PCED1B: variants seen among roughly 807,000 people sequenced by gnomAD.
The protein encoded by PCED1B is PC-esterase domain containing 1B, also known as PC-esterase domain-containing protein 1B.
For missense variants in PCED1B, 573 were observed against 573.9 expected (o/e 1.00, Z 0.02); for synonymous variants, 251 against 246.1 (o/e 1.02, Z -0.19).
At chr12:47,213,681 A>G (rs1356100799) in intron 2 of PCED1B, among the ~76,000 whole-genome samples, 1 of 152,220 alleles carries the variant, frequency 6.6e-6, no homozygotes, top group Admixed American at 6.5e-5. Flanking sequence ...TTCACAGGGT[A>G]AAACATTATA....
intron 2 of PCED1B, among the ~76,000 whole-genome samples, chr12:47,126,866 T>C (rs1260768322): frequency 2.0e-5 from 3 of 152,186 alleles, no homozygotes; most frequent in Non-Finnish European, 4.4e-5. Context: ...ATTCCTGATG[T>C]TGGTCACTTG....
intron 1 of PCED1B, among the ~76,000 whole-genome samples, chr12:47,080,800 C>T (rs1018908566): frequency 2.0e-5 from 3 of 151,856 alleles, no homozygotes; most frequent in East Asian, 1.9e-4. Flanking sequence ...CTTCTCTCTC[C>T]CTCTCTCTCT....
chr12:47,218,379 C>T (rs557934790), intron 3 of PCED1B, among the ~76,000 whole-genome samples: 1 of 152,380 alleles, frequency 6.6e-6, no homozygotes, highest in South Asian at 2.1e-4. Context: ...CTTGTCCTTT[C>T]TTCCGCTCCA....
At chr12:47,183,820 A>G (rs182677488) in intron 2 of PCED1B, among the ~76,000 whole-genome samples, 15 of 152,344 alleles carry the variant, frequency 9.8e-5, no homozygotes, top group Admixed American at 2.6e-4. Flanking sequence ...ATGTTTTAAT[A>G]GACTTTGATT....
chr12:47,203,279 C>CT (rs1437504489), intron 2 of PCED1B, among the ~76,000 whole-genome samples: 1 of 152,108 alleles, frequency 6.6e-6, no homozygotes, highest in South Asian at 2.1e-4. Flanking sequence ...CTTCTCTTTT[C>CT]TTTTTTTAAT....
rs567816205 is a variant in PCED1B, at chr12:47,094,668, T to C, written c.-608-9445T>C. Among the ~76,000 whole-genome samples, 23 of 152,268 alleles carry C rather than the reference T, an allele frequency of 1.5e-4. No homozygotes were observed. The South Asian group carries it at 4.6e-3, about 30-fold the overall frequency. Reference sequence around the variant, plus strand: ...CAAATTATCTTTGCCACTCCTCTGATACTGTTAGACCCTTTGACCTTTTAA... The same window carrying C: ...CAAATTATCTTTGCCACTCCTCTGACACTGTTAGACCCTTTGACCTTTTAA... On this transcript the variant is annotated intron_variant, in intron 1 of 3. Coordinates refer to ENST00000546455, the MANE Select transcript of PCED1B (RefSeq NM_138371.3).
intron 1 of PCED1B, among the ~76,000 whole-genome samples, chr12:47,091,623 G>A (rs969548831): frequency 3.3e-5 from 5 of 151,982 alleles, no homozygotes; most frequent in Admixed American, 3.3e-4. Flanking sequence ...ACAAAGGATT[G>A]CTGACTCCAA....
intron 2 of PCED1B, among the ~76,000 whole-genome samples, chr12:47,136,777 G>C (rs973219251): frequency 6.6e-6 from 1 of 151,860 alleles, no homozygotes; most frequent in Non-Finnish European, 1.5e-5. Context: ...ATCATTATGA[G>C]ATAGTATTAG....
At chr12:47,135,818 C>G (rs1260278580) in intron 2 of PCED1B, 1 of 486,214 alleles carries the variant, frequency 2.1e-6, no homozygotes, top group Non-Finnish European at 4.1e-6. Flanking sequence ...GCACAGCCAC[C>G]TCATGCTTCT....
intron 2 of PCED1B, among the ~76,000 whole-genome samples, chr12:47,181,272 A>C (rs1942086076): frequency 6.6e-6 from 1 of 152,118 alleles, no homozygotes; most frequent in Non-Finnish European, 1.5e-5. Flanking sequence ...CACATTAGCC[A>C]CTGCGCTTGG....
chr12:47,108,496 C>T (rs1939054063), intron 2 of PCED1B, among the ~76,000 whole-genome samples: 1 of 152,202 alleles, frequency 6.6e-6, no homozygotes, highest in African/African-American at 2.4e-5. Context: ...TTCCCCACAT[C>T]TTCGCCAGGC....
intron 1 of PCED1B, among the ~76,000 whole-genome samples, chr12:47,103,192 T>G (rs1038349536): frequency 6.6e-6 from 1 of 152,248 alleles, no homozygotes; most frequent in African/African-American, 2.4e-5. Flanking sequence ...TTTGGAGTTA[T>G]TAATAGTGAT....
intron 2 of PCED1B, among the ~76,000 whole-genome samples, chr12:47,184,718 G>A (rs1049046987): frequency 1.3e-5 from 2 of 149,240 alleles, no homozygotes; most frequent in Non-Finnish European, 3.0e-5. Flanking sequence ...TAAAAGAAAG[G>A]ATATTTTAAT....
At chr12:47,216,133 A>C (rs1469500206) in intron 2 of PCED1B, 89 bp from the exon 3 acceptor site, 1 of 152,188 alleles carries the variant, frequency 6.6e-6, no homozygotes, top group Non-Finnish European at 1.5e-5. Flanking sequence ...ACTACTATTA[A>C]ATATTATTTA....
intron 2 of PCED1B, among the ~76,000 whole-genome samples, chr12:47,196,645 C>T (rs1350150814): frequency 2.0e-5 from 3 of 151,880 alleles, no homozygotes; most frequent in Admixed American, 6.6e-5. Context: ...CTGGCCAACA[C>T]GGTAAAACCC....
At chr12:47,142,894 C>T (rs1035797083) in intron 2 of PCED1B, among the ~76,000 whole-genome samples, 4 of 152,034 alleles carry the variant, frequency 2.6e-5, no homozygotes, top group South Asian at 2.1e-4. Context: ...AGGCAAAAAA[C>T]TAATTTTAAG....
chr12:47,114,441 A>C (rs1296550264), intron 2 of PCED1B, among the ~76,000 whole-genome samples: 1 of 152,228 alleles, frequency 6.6e-6, no homozygotes, highest in Non-Finnish European at 1.5e-5. Context: ...AAAGCTGGAC[A>C]TGCAGCTTTC....
At chr12:47,158,110 T>A (rs1450947309) in intron 2 of PCED1B, among the ~76,000 whole-genome samples, 1 of 152,258 alleles carries the variant, frequency 6.6e-6, no homozygotes, top group African/African-American at 2.4e-5. Flanking sequence ...ATTATGCTGC[T>A]ATGAACATGG....
intron 2 of PCED1B, among the ~76,000 whole-genome samples, chr12:47,193,519 T>C (rs1942510899): frequency 6.6e-6 from 1 of 152,164 alleles, no homozygotes. Context: ...ATTACAATAG[T>C]TAGGGTGTAG....
Sources: allele counts gnomAD v4.1 joint callset (sites outside exome capture counted in the v4.1 genomes callset), GRCh38; gene constraint gnomAD v4.1.1; transcripts MANE v1.5; gene names NCBI Gene and HGNC (gene_info 2026-07-23, HGNC 2026-07-21).